The following RBM25 variants were observed in gnomAD, a reference collection of about 807,000 sequenced individuals.
The protein encoded by RBM25 is RNA binding motif protein 25, also known as RNA-binding protein 25.
In RBM25, 19 loss-of-function variants were observed where a neutral mutation model predicts 120.7. The ratio of observed to expected loss-of-function variants is 0.16; its 90% CI spans 0.11 to 0.23. The LOEUF (loss-of-function observed/expected upper bound fraction) is 0.23, where lower values mean the gene tolerates loss of function less well. Among genes scored for constraint, RBM25 ranks in the 10% least tolerant of loss-of-function variants. The pLI is 1.00. For synonymous variants in RBM25, 390 were observed against 326.7 expected, an observed-to-expected ratio of 1.19 and a Z score of -2.09; for missense variants, 605 against 1,041.5, an observed-to-expected ratio of 0.58 and a Z score of 5.77.
intron 1 of RBM25, among the ~76,000 whole-genome samples, chr14:73,071,199 G>A (rs117050309): frequency 0.089 from 12,623 of 141,614 alleles, 636 homozygotes; most frequent in Middle Eastern, 0.23. Flanking sequence ...CAGAGATTGC[G>A]CCACTGCACT....
intron 7 of RBM25, among the ~76,000 whole-genome samples, chr14:73,097,557 A>G (rs1304216895): frequency 2.0e-5 from 3 of 151,652 alleles, no homozygotes; most frequent in Non-Finnish European, 4.4e-5. Context: ...CTGGTCTCCA[A>G]CTCCTGGGTT....
chr14:73,076,629 T>C (rs1367909603), intron 3 of RBM25, among the ~76,000 whole-genome samples: 1 of 152,200 alleles, frequency 6.6e-6, no homozygotes, highest in African/African-American at 2.4e-5. Flanking sequence ...TTCATATACT[T>C]GTTATTACAA....
chr14:73,095,143 G>A (rs1001218824), intron 6 of RBM25, among the ~76,000 whole-genome samples: 1 of 151,286 alleles, frequency 6.6e-6, no homozygotes, highest in East Asian at 2.0e-4. Flanking sequence ...GTGAGCCACC[G>A]AGCCCTGCCA....
Position 73,120,118 on chromosome 14 carries a change from A to G in RBM25, c.*313A>G, listed in dbSNP as rs372448612. 3 of 204,666 alleles carry G rather than the reference A, an allele frequency of 1.5e-5. No individual in the cohort carries two copies. In the South Asian group the frequency reaches 2.8e-4, roughly 19 times the overall value. The allele number at this position is 204,666 out of a possible 1,614,324, so 12.7% of individuals were successfully genotyped here. Reference sequence around the variant, plus strand: ...TTTGTTTCTTGTAAATATTAAAACGACTCCCCAATTATTTTGCAGAATTGC... The same window carrying G: ...TTTGTTTCTTGTAAATATTAAAACGGCTCCCCAATTATTTTGCAGAATTGC... On this transcript the variant is annotated 3_prime_UTR_variant, in exon 19 of 19. Transcript: ENST00000261973.
chr14:73,110,687 C>G (rs1273362989), intron 14 of RBM25, 144 bp from the exon 15 acceptor site: 12 of 1,013,448 alleles, frequency 1.2e-5, no homozygotes, highest in Admixed American at 5.9e-5. Context: ...CCGCGGCCTC[C>G]CAAAGTGCTG....
intron 14 of RBM25, 23 bp downstream of exon 14, chr14:73,109,515 C>A (rs757460246): frequency 1.3e-6 from 2 of 1,599,818 alleles, no homozygotes; most frequent in Non-Finnish European, 1.7e-6. Flanking sequence ...ACCATCTGGT[C>A]GGGCGCGGTG....
intron 1 of RBM25, among the ~76,000 whole-genome samples, chr14:73,071,127 A>C (rs1895277813): frequency 6.6e-6 from 1 of 151,686 alleles, no homozygotes. Flanking sequence ...CTGTAGTCCC[A>C]GCTACTTGGG....
At chr14:73,099,891 A>C in intron 9 of RBM25, 141 bp downstream of exon 9, 7 of 1,263,918 alleles carry the variant, frequency 5.5e-6, no homozygotes, top group Non-Finnish European at 7.2e-6. Context: ...GATAGAAAAA[A>C]GAAACAGAAG....
At chr14:73,073,760 C>T (rs1287135497) in intron 2 of RBM25, among the ~76,000 whole-genome samples, 1 of 152,140 alleles carries the variant, frequency 6.6e-6, no homozygotes. Context: ...CTTTAATAAG[C>T]TATTTTAGAC....
intron 18 of RBM25, among the ~76,000 whole-genome samples, chr14:73,116,345 C>T (rs1896427005): frequency 6.6e-6 from 1 of 152,260 alleles, no homozygotes; most frequent in African/African-American, 2.4e-5. Context: ...ACTGGGAGTA[C>T]TTGCACTTGG....
rs374372003 is a variant in RBM25 at position 73,089,205 on chromosome 14, A to C, written c.543+1044A>C. Reference sequence around the variant, plus strand: ...TCCCTCCAAGTTCTTTGTTAAAAAAAAATAAAAACCAAACCCAAAAAACTC... The same window carrying C: ...TCCCTCCAAGTTCTTTGTTAAAAAACAATAAAAACCAAACCCAAAAAACTC... On this transcript the variant is annotated intron_variant, in intron 6 of 18. Coordinates refer to ENST00000261973, the MANE Select transcript of RBM25 (RefSeq NM_021239.3). Among the ~76,000 whole-genome samples the C allele has an allele frequency of 1.1e-3, 163 of 152,314 alleles. 5 individuals carry two copies. The South Asian group carries it at 0.032, about 30-fold the overall frequency.
chr14:73,082,849 C>T (rs895019381), intron 4 of RBM25, among the ~76,000 whole-genome samples: 3 of 150,914 alleles, frequency 2.0e-5, no homozygotes, highest in South Asian at 2.1e-4. Context: ...ATCACGAGGT[C>T]AGGAGTTCAA....
chr14:73,096,903 G>A lies in RBM25; in HGVS notation c.544-12G>A. On this transcript the variant is annotated splice_polypyrimidine_tract_variant and intron_variant, in intron 6 of 18. Transcript: ENST00000261973. ...GATTTTTCTTTCCCCTGAATTTGCT[G>A]TTTTGTTTAAGAATGCAAGGCCAGA... 6.2e-7 allele frequency: 1 copy of A among 1,604,852 alleles called. No homozygotes were observed. The highest frequency in any genetic ancestry group is 8.5e-7 in the Non-Finnish European group (1 of 1,177,894).
At chr14:73,062,280 A>G (rs940476203) in intron 1 of RBM25, among the ~76,000 whole-genome samples, 9 of 151,404 alleles carry the variant, frequency 5.9e-5, no homozygotes, top group East Asian at 5.8e-4. Context: ...TCTGTTAAGC[A>G]TTTCCCATTC....
intron 12 of RBM25, 84 bp from the exon 13 acceptor site, chr14:73,107,742 G>T: frequency 9.7e-7 from 1 of 1,035,512 alleles, no homozygotes. Context: ...GTCTGGGTCA[G>T]AAAAATCTGT....
In RBM25 at chr14:73,121,172, A is replaced by G. The variant is rs1362313099; in HGVS notation, c.*1367A>G. ...TAAAGATTGGCCTGTTAGAAAAAGCATAATGTGAGCTTTGGATTACTGGAT... is the reference window on the plus strand; with the variant it reads ...TAAAGATTGGCCTGTTAGAAAAAGCGTAATGTGAGCTTTGGATTACTGGAT... On this transcript the variant is annotated 3_prime_UTR_variant, in exon 19 of 19. Transcript: ENST00000261973. 3 of 152,566 alleles carry G rather than the reference A, an allele frequency of 2.0e-5. No homozygotes were observed. The highest frequency in any genetic ancestry group is 4.4e-5 in the Non-Finnish European group (3 of 68,010). 9.5% of individuals were successfully genotyped at this position (152,566 alleles called of 1,614,324 possible).
chr14:73,112,306 A>T lies in RBM25; in HGVS notation c.2391+56A>T, dbSNP rs1896325028. On this transcript the variant is annotated intron_variant, in intron 17 of 18. Coordinates refer to ENST00000261973, the MANE Select transcript of RBM25 (RefSeq NM_021239.3). Reference sequence around the variant, plus strand: ...TTTATTTTATATATTAAAATATTAGACACTTCTTAAAAGAGCAGAAATTTT... The same window carrying T: ...TTTATTTTATATATTAAAATATTAGTCACTTCTTAAAAGAGCAGAAATTTT... 8 of 1,456,256 alleles carry T rather than the reference A, an allele frequency of 5.5e-6. No homozygotes were observed. The South Asian group carries it at 1.2e-4, about 21-fold the overall frequency. The allele number at this position is 1,456,256 out of a possible 1,614,324, so 90.2% of individuals were successfully genotyped here.
At chr14:73,083,687 G>C in intron 5 of RBM25, 136 bp downstream of exon 5, 1 of 540,474 alleles carries the variant, frequency 1.9e-6, no homozygotes, top group South Asian at 6.4e-5. Context: ...CTTTTTTATT[G>C]AAATAGGGTT....
chr14:73,081,638 G>A (rs999039964), intron 4 of RBM25, among the ~76,000 whole-genome samples: 2 of 152,136 alleles, frequency 1.3e-5, no homozygotes, highest in African/African-American at 2.4e-5. Context: ...GATGTACATG[G>A]TATATATGGG....
Sources: gnomAD v4.1 joint callset for allele counts (sites outside exome capture counted in the v4.1 genomes callset) on GRCh38, gnomAD v4.1.1 for gene constraint, MANE v1.5 for transcripts, NCBI Gene and HGNC (gene_info 2026-07-23, HGNC 2026-07-21) for gene names.